Variants in DMXL1 observed in about 807,000 individuals in gnomAD.
DMXL1 encodes the protein Dmx like 1.
Under a neutral mutation model 319.2 loss-of-function variants are expected in DMXL1, and 99 were observed. That is an observed-to-expected ratio of 0.31 (90% CI 0.26 to 0.37). DMXL1 has a LOEUF of 0.37. DMXL1 is among the 10% of genes least tolerant of loss of function. The probability of loss-of-function intolerance (pLI) is 1.00; values close to 1 mark genes in which losing one functional copy is unlikely to be tolerated. For synonymous variants in DMXL1, 1,385 were observed against 1,235.2 expected, an observed-to-expected ratio of 1.12 and a Z score of -2.54; for missense variants, 3,745 against 3,595.6, an observed-to-expected ratio of 1.04 and a Z score of -1.06.
rs1790008138 is a variant in DMXL1, at chr5:119,247,609, C to T, written c.*390C>T. ...TACTCATCACTTAATTCACCACACTCTCACTTCCTTTATTAGCCTTATACA... is the reference window on the plus strand; with the variant it reads ...TACTCATCACTTAATTCACCACACTTTCACTTCCTTTATTAGCCTTATACA... On this transcript the variant is annotated 3_prime_UTR_variant, in exon 44 of 44. Transcript: ENST00000539542. The T allele has an allele frequency of 6.5e-6, 1 of 153,760 alleles. No individual in the cohort carries two copies. Among genetic ancestry groups the T allele is most frequent in the Non-Finnish European group, 1.4e-5 (1 of 69,090 alleles). The allele number at this position is 153,760 out of a possible 1,614,324, so 9.5% of individuals were successfully genotyped here.
At chr5:119,191,683 A>T (rs989744429) in intron 29 of DMXL1, among the ~76,000 whole-genome samples, 1 of 152,026 alleles carries the variant, frequency 6.6e-6, no homozygotes, top group Non-Finnish European at 1.5e-5. Context: ...ACCTTCCCTA[A>T]TTGTTTGTTA....
rs767411760 is a variant in DMXL1 at position 119,167,741 on chromosome 5, C to T, written c.5275C>T (p.Leu1759=). The change falls in exon 23 of 44, where the codon CTG becomes TTG. Residue 1759 remains leucine (L), a synonymous_variant. Coordinates refer to ENST00000539542, the MANE Select transcript of DMXL1 (RefSeq NM_001290321.3). ...VLGIDSPVSE[L]CSLNINMHHD... Reference sequence around the variant, plus strand: ...GGGAATCGATTCTCCTGTCAGTGAACTGTGTTCATTGAACATAAATATGCA... The same window carrying T: ...GGGAATCGATTCTCCTGTCAGTGAATTGTGTTCATTGAACATAAATATGCA... 7.4e-6 allele frequency: 12 copies of T among 1,613,544 alleles called. No individual in the cohort carries two copies. The highest frequency in any genetic ancestry group is 4.5e-5 in the East Asian group (2 of 44,788).
intron 32 of DMXL1, among the ~76,000 whole-genome samples, chr5:119,200,456 G>C (rs551619743): frequency 6.6e-6 from 1 of 152,132 alleles, no homozygotes; most frequent in South Asian, 2.1e-4. Flanking sequence ...TACCAATACT[G>C]TTCTGTTTTG....
chr5:119,133,388 A>G lies in DMXL1; in HGVS notation c.1569+3A>G. 6.2e-7 allele frequency: 1 copy of G among 1,606,970 alleles called. No homozygotes were observed. The highest frequency in any genetic ancestry group is 8.5e-7 in the Non-Finnish European group (1 of 1,175,242). On this transcript the variant is annotated splice_donor_region_variant and intron_variant, in intron 11 of 43. Coordinates refer to ENST00000539542, the MANE Select transcript of DMXL1 (RefSeq NM_001290321.3). Reference sequence around the variant, plus strand: ...CTGGTATGTTTCGTCAAGTACAGGTACTACTGTTATTTCTGGAGAGCTACT... The same window carrying G: ...CTGGTATGTTTCGTCAAGTACAGGTGCTACTGTTATTTCTGGAGAGCTACT...
In DMXL1 at chr5:119,148,772, G is replaced by T; in HGVS notation, c.2945G>T (p.Cys982Phe). 6.2e-7 allele frequency: 1 copy of T among 1,613,406 alleles called. No homozygotes were observed. Residue 982 changes from cysteine to phenylalanine, a missense_variant, in exon 18 of 44, where the codon TGC (cysteine) becomes TTC (phenylalanine). By Grantham distance (205) the Cys-to-Phe change is radical. This residue lies in a region of DMXL1 where 2,096 missense variants were observed against 1,985.4 expected (regional missense o/e 1.06). Transcript: ENST00000539542. Reference sequence around the variant, plus strand: ...AGTTCATCTTCTATATATCCTGCATGCAGTGCTCCTTATTTATTGGCAACT... The same window carrying T: ...AGTTCATCTTCTATATATCCTGCATTCAGTGCTCCTTATTTATTGGCAACT... Reference protein sequence around the residue: ...HLSSSSIYPACSAPYLLATSC... With the variant: ...HLSSSSIYPAFSAPYLLATSC...
chr5:119,164,475 T>G lies in DMXL1; in HGVS notation c.4703-32T>G, dbSNP rs200063127. 698 of 1,568,664 alleles carry G rather than the reference T, an allele frequency of 4.4e-4. 3 individuals carry two copies. In the African/African-American group the frequency reaches 7.5e-3, roughly 17 times the overall value. On this transcript the variant is annotated intron_variant, in intron 19 of 43. Transcript: ENST00000539542. Reference sequence around the variant, plus strand: ...ATAATCATATAAGCATATTTATAATTCTTATAAACATCATTTTTTACATTT... The same window carrying G: ...ATAATCATATAAGCATATTTATAATGCTTATAAACATCATTTTTTACATTT...
intron 37 of DMXL1, among the ~76,000 whole-genome samples, chr5:119,224,194 T>G (rs1006091312): frequency 6.6e-6 from 1 of 152,074 alleles, no homozygotes; most frequent in Non-Finnish European, 1.5e-5. Context: ...TAACATATAT[T>G]TGTAGTTATG....
chr5:119,176,218 A>T (rs1053041611), intron 26 of DMXL1, among the ~76,000 whole-genome samples: 9 of 151,954 alleles, frequency 5.9e-5, no homozygotes, highest in Non-Finnish European at 1.0e-4. Flanking sequence ...TTTCTTGATT[A>T]AAAAAAATTA....
intron 2 of DMXL1, among the ~76,000 whole-genome samples, chr5:119,099,341 G>A (rs187300975): frequency 6.6e-6 from 1 of 152,054 alleles, no homozygotes; most frequent in African/African-American, 2.4e-5. Flanking sequence ...CTCCCAAATA[G>A]CTGGAATTAC....
At chr5:119,244,708 G>T in intron 43 of DMXL1, 132 bp downstream of exon 43, 2 of 574,684 alleles carry the variant, frequency 3.5e-6, no homozygotes, top group Non-Finnish European at 5.9e-6. Context: ...AGTGCTAATT[G>T]CTATTTAATC....
chr5:119,117,622 T>C (rs559888175), intron 7 of DMXL1, among the ~76,000 whole-genome samples: 16 of 150,726 alleles, frequency 1.1e-4, no homozygotes, highest in African/African-American at 3.9e-4. Flanking sequence ...AAAGGGAAGG[T>C]GGCCTGGAAA....
At chr5:119,231,196 T>C (rs1786654288) in intron 38 of DMXL1, among the ~76,000 whole-genome samples, 1 of 152,234 alleles carries the variant, frequency 6.6e-6, no homozygotes, top group Admixed American at 6.5e-5. Flanking sequence ...GTGGCCACCA[T>C]AATTCTAAAT....
chr5:119,150,719 A>T (rs1486423993), intron 18 of DMXL1, among the ~76,000 whole-genome samples: 2 of 151,856 alleles, frequency 1.3e-5, no homozygotes, highest in Admixed American at 1.3e-4. Context: ...TGAGCCCAGG[A>T]GGTTGAGCTG....
rs1271541956 is a variant in DMXL1, at chr5:119,147,324, T to G, written c.2765T>G (p.Ile922Ser). Residue 922 changes from isoleucine to serine, a missense_variant, in exon 17 of 44, where the codon ATC becomes AGC. Transcript: ENST00000539542. ...EEHYSSSPEK[I>S]LSPFSQKYQA... Reference sequence around the variant, plus strand: ...CATTATTCTTCTTCTCCAGAGAAGATCCTATCTCCTTTTTCACAAAAGTAT... The same window carrying G: ...CATTATTCTTCTTCTCCAGAGAAGAGCCTATCTCCTTTTTCACAAAAGTAT... 3 of 1,613,516 alleles carry G rather than the reference T, an allele frequency of 1.9e-6. No homozygotes were observed.
Position 119,148,916 on chromosome 5 carries a change from T to C in DMXL1, c.3089T>C (p.Ile1030Thr), listed in dbSNP as rs200001368. 106 of 1,613,802 alleles carry C rather than the reference T, an allele frequency of 6.6e-5. No homozygotes were observed. The highest frequency in any genetic ancestry group is 3.3e-4 in the Middle Eastern group (2 of 6,082). The change falls in exon 18 of 44, where the codon ATT becomes ACT. Residue 1030 changes from isoleucine (I) to threonine (T), a missense_variant. Physicochemically the swap from Ile to Thr is moderately conservative, Grantham distance 89 (BLOSUM62 -1). This residue lies in a region of DMXL1 where 2,096 missense variants were observed against 1,985.4 expected (regional missense o/e 1.06). Transcript: ENST00000539542. ...ATTTGGGAAGAATGGCCATTACTTA[T>C]TGAAGATGGACTTCAGAGCAATAGT... ...AYIWEEWPLL[I>T]EDGLQSNSSI...
At chr5:119,153,664 A>T (rs78411387) in intron 19 of DMXL1, among the ~76,000 whole-genome samples, 2,641 of 152,332 alleles carry the variant, frequency 0.017, 25 homozygotes, top group Non-Finnish European at 0.024. Context: ...AAGTGAGATC[A>T]TGCAATATTT....
In DMXL1 at chr5:119,149,568, A is replaced by G. The variant is rs1389566159; in HGVS notation, c.3741A>G (p.Gln1247=). The G allele has an allele frequency of 6.2e-7, 1 of 1,613,962 alleles. No homozygotes were observed. Among genetic ancestry groups the G allele is most frequent in the East Asian group, 2.2e-5 (1 of 44,874 alleles). The change falls in exon 18 of 44, where the codon CAA becomes CAG. Residue 1247 remains glutamine (Q), a synonymous_variant. Coordinates refer to ENST00000539542, the MANE Select transcript of DMXL1 (RefSeq NM_001290321.3). The stretch of plus-strand genomic sequence containing the variant: ...GCCAATGGCAACCATCTTCTAAACA[A>G]GAACCTGTTATAACAGATTCGTACA... The part of the protein sequence containing the change: ...VYCQWQPSSK[Q]EPVITDSYSG...
At chr5:119,114,355 G>A in intron 5 of DMXL1, 120 bp from the exon 6 acceptor site, 3 of 705,508 alleles carry the variant, frequency 4.3e-6, no homozygotes, top group East Asian at 2.8e-5. Flanking sequence ...AAAGATGTGG[G>A]TGTGAAACTT....
intron 1 of DMXL1, among the ~76,000 whole-genome samples, chr5:119,072,811 T>C (rs138824045): frequency 6.6e-6 from 1 of 152,188 alleles, no homozygotes; most frequent in Admixed American, 6.5e-5. Flanking sequence ...ACATCTTAAT[T>C]ATCGGGATTC....
Sources: allele counts gnomAD v4.1 joint callset (sites outside exome capture counted in the v4.1 genomes callset), GRCh38; gene constraint gnomAD v4.1.1; regional missense constraint gnomAD v4.1.1; transcripts MANE v1.5; gene names NCBI Gene and HGNC (gene_info 2026-07-23, HGNC 2026-07-21).